CMIP: variants seen among roughly 807,000 people sequenced by gnomAD.
CMIP encodes the protein c-Maf inducing protein.
Under a neutral mutation model 97.3 loss-of-function variants are expected in CMIP, and 13 were observed. The observed-to-expected ratio is 0.13, with a 90% confidence interval of 0.09 to 0.21. CMIP has a LOEUF of 0.21. Among genes scored for constraint, CMIP ranks in the 10% least tolerant of loss-of-function variants. The pLI, the probability that CMIP is intolerant of heterozygous loss-of-function variation, is 1.00. For synonymous variants in CMIP, 538 were observed against 436.3 expected, an observed-to-expected ratio of 1.23 and a Z score of -2.91; for missense variants, 847 against 1,024.9, an observed-to-expected ratio of 0.83 and a Z score of 2.37.
chr16:81,630,280 G>T (rs1345718704), intron 3 of CMIP: 1 of 152,278 alleles, frequency 6.6e-6, no homozygotes, highest in African/African-American at 2.4e-5. Flanking sequence ...CAGGCTCTTG[G>T]TGTCGGAGGA....
chr16:81,528,460 G>A (rs2090173269), intron 1 of CMIP, among the ~76,000 whole-genome samples: 1 of 152,184 alleles, frequency 6.6e-6, no homozygotes, highest in South Asian at 2.1e-4. Context: ...GCATTGAATT[G>A]ATATGACCAG....
chr16:81,648,784 GAAAAAAAAAAAAAAAAAAAAAAAAA>G lies in CMIP; in HGVS notation c.478-3407_478-3383del, dbSNP rs6145916. On this transcript the variant is annotated intron_variant, in intron 3 of 20. Coordinates refer to ENST00000537098, the MANE Select transcript of CMIP (RefSeq NM_198390.3). The stretch of plus-strand genomic sequence containing the variant: ...AGTGACAGAGCAAGACTCTGTCTCA[GAAAAAAAAAAAAAAAAAAAAAAAAA>G]AAAAAAAAAAAGCCCTGAAGAGTTT... Among the ~76,000 whole-genome samples, 5 of 75,738 alleles carry G rather than the reference GAAAAAAAAAAAAAAAAAAAAAAAAA, an allele frequency of 6.6e-5. No individual in the cohort carries two copies. The South Asian group carries it at 2.0e-3, about 30-fold the overall frequency. 49.7% of individuals were successfully genotyped at this position (75,738 alleles called of 152,430 possible).
In CMIP at chr16:81,614,726, C is replaced by T. The variant is rs993126368; in HGVS notation, c.427-6150C>T. On this transcript the variant is annotated intron_variant, in intron 2 of 20. Coordinates refer to ENST00000537098, the MANE Select transcript of CMIP (RefSeq NM_198390.3). The surrounding 1 kb of genome is among the most constrained non-coding windows in gnomAD (Gnocchi z 5.3). The stretch of plus-strand genomic sequence containing the variant: ...GTATGTCTGCATGTGTGTGCGTACA[C>T]ATGTGTGTCTCTGTGAGTGTGTATG... Among the ~76,000 whole-genome samples, 2 of 150,426 alleles carry T rather than the reference C, an allele frequency of 1.3e-5. No individual in the cohort carries two copies. Among genetic ancestry groups the T allele is most frequent in the Non-Finnish European group, 3.0e-5 (2 of 67,582 alleles).
chr16:81,603,875 T>A (rs549748007), intron 1 of CMIP, among the ~76,000 whole-genome samples: 3 of 152,376 alleles, frequency 2.0e-5, no homozygotes, highest in African/African-American at 7.2e-5. Context: ...TTCCAGGTAC[T>A]GTGCTGAGTC....
intron 1 of CMIP, among the ~76,000 whole-genome samples, chr16:81,589,393 G>C (rs1234201529): frequency 1.3e-5 from 2 of 152,104 alleles, no homozygotes. Context: ...CACCACACCT[G>C]GCCTTGTCTT....
intron 1 of CMIP, among the ~76,000 whole-genome samples, chr16:81,551,009 C>T (rs1385310659): frequency 5.6e-5 from 8 of 143,468 alleles, no homozygotes; most frequent in Non-Finnish European, 7.6e-5. Context: ...TCCCGTCACA[C>T]GCACCCCAGT....
At chr16:81,630,297 G>C (rs1297818004) in intron 3 of CMIP, 1 of 152,296 alleles carries the variant, frequency 6.6e-6, no homozygotes, top group Admixed American at 6.5e-5. Flanking sequence ...AGGATGCTAG[G>C]AGACGGGGCT....
intron 1 of CMIP, among the ~76,000 whole-genome samples, chr16:81,447,936 G>A (rs1905961393): frequency 6.6e-6 from 1 of 152,234 alleles, no homozygotes; most frequent in African/African-American, 2.4e-5. Flanking sequence ...TCTCGGGGAA[G>A]CAGCGGAGCC....
chr16:81,667,450 C>T (rs1055054244), intron 7 of CMIP, among the ~76,000 whole-genome samples: 1 of 152,174 alleles, frequency 6.6e-6, no homozygotes. Context: ...GTAACCTAAC[C>T]TCCAGTTTTC....
At chr16:81,707,345 C>G (rs2052587) in intron 20 of CMIP, among the ~76,000 whole-genome samples, 21 of 152,096 alleles carry the variant, frequency 1.4e-4, no homozygotes, top group Non-Finnish European at 2.5e-4. Context: ...AGACCCAAAA[C>G]ATAAGAAGCC....
chr16:81,561,719 T>A (rs1449956866), intron 1 of CMIP, among the ~76,000 whole-genome samples: 1 of 152,210 alleles, frequency 6.6e-6, no homozygotes, highest in Non-Finnish European at 1.5e-5. Flanking sequence ...AGCTGCTGTA[T>A]GGACAGTATT....
chr16:81,625,358 G>A (rs1273661826), intron 3 of CMIP, among the ~76,000 whole-genome samples: 2 of 152,252 alleles, frequency 1.3e-5, no homozygotes, highest in African/African-American at 2.4e-5. Context: ...TCCCAGGGGT[G>A]TGGAAGCATT....
chr16:81,666,823 A>G (rs1421970004), intron 7 of CMIP: 1 of 152,274 alleles, frequency 6.6e-6, no homozygotes, highest in Admixed American at 6.5e-5. Flanking sequence ...CATGCCAGGC[A>G]CAGGAAGACC....
chr16:81,580,188 A>G (rs1332312967), intron 1 of CMIP, among the ~76,000 whole-genome samples: 4 of 152,040 alleles, frequency 2.6e-5, no homozygotes, highest in African/African-American at 9.7e-5. Context: ...CTCCAGCTTT[A>G]CAGCAGCTGT....
At position 81,534,597 on chromosome 16, in the gene CMIP, G is replaced by C. The variant is rs538471644; in HGVS notation, c.301-72970G>C. Among the ~76,000 whole-genome samples the C allele has an allele frequency of 2.4e-4, 37 of 151,802 alleles. 2 individuals carry two copies. The South Asian group carries it at 7.5e-3, about 31-fold the overall frequency. On this transcript the variant is annotated intron_variant, in intron 1 of 20. Transcript: ENST00000537098. ...TGACTTCTTAATTAGTGTCTTCGTG[G>C]CTTAGAGAGTTCTTCCAAATTTTAA...
At chr16:81,644,016 C>T (rs1178210465) in intron 3 of CMIP, among the ~76,000 whole-genome samples, 2 of 152,048 alleles carry the variant, frequency 1.3e-5, no homozygotes, top group East Asian at 3.9e-4. Context: ...AGAAAGGAAT[C>T]CCAGTCAGAG....
intron 1 of CMIP, among the ~76,000 whole-genome samples, chr16:81,568,040 T>TGTG (rs34693777): frequency 0.011 from 289 of 26,430 alleles, 1 homozygote; most frequent in African/African-American, 0.032. Flanking sequence ...TGTGTGTGTG[T>TGTG]TTTTTTTTTT....
At chr16:81,686,281 G>A (rs563069597) in intron 10 of CMIP, among the ~76,000 whole-genome samples, 13 of 152,354 alleles carry the variant, frequency 8.5e-5, no homozygotes, top group African/African-American at 2.9e-4. Context: ...TGCAAAAACA[G>A]ATGACCCCTC....
At chr16:81,608,576 C>T (rs1269819595) in intron 2 of CMIP, among the ~76,000 whole-genome samples, 1 of 151,978 alleles carries the variant, frequency 6.6e-6, no homozygotes, top group African/African-American at 2.4e-5. Context: ...GAATTCACTC[C>T]CCCGGATTAC....
Sources: gnomAD v4.1 joint callset for allele counts (sites outside exome capture counted in the v4.1 genomes callset) on GRCh38, gnomAD v4.1.1 for gene constraint, Gnocchi (gnomAD v3.1) non-coding constraint, MANE v1.5 for transcripts, NCBI Gene and HGNC (gene_info 2026-07-23, HGNC 2026-07-21) for gene names.